Variants in QTMAN observed in about 807,000 individuals in gnomAD.
QTMAN encodes queuosine-tRNA mannosyltransferase.
the QTMAN span, among the ~76,000 whole-genome samples, chr2:143,957,036 A>G: frequency 9.3e-4 from 142 of 152,330 alleles, 1 homozygote; most frequent in Middle Eastern, 0.014. Context: ...GATTACCTTA[A>G]CAATCACCAA....
the QTMAN span, among the ~76,000 whole-genome samples, chr2:144,242,960 T>TAAAAAAAAAAAAAAAAAAAAAAAAA: frequency 1.3e-5 from 1 of 77,806 alleles, no homozygotes; most frequent in African/African-American, 6.3e-5. Context: ...AGACTCTACT[T>TAAAAAAAAAAAAAAAAAAAAAAAAA]AAAAAAAAAA....
chr2:144,178,138 A>C, the QTMAN span, among the ~76,000 whole-genome samples: 1 of 152,160 alleles, frequency 6.6e-6, no homozygotes, highest in African/African-American at 2.4e-5. Flanking sequence ...GAAGTGAGGA[A>C]TGCATCCTGT....
At chr2:144,092,190 T>C in the QTMAN span, among the ~76,000 whole-genome samples, 1 of 151,038 alleles carries the variant, frequency 6.6e-6, no homozygotes, top group Non-Finnish European at 1.5e-5. Context: ...TTTTTTTTTT[T>C]TCTGAGACAG....
chr2:143,947,351 G>A, the QTMAN span, among the ~76,000 whole-genome samples: 1 of 152,080 alleles, frequency 6.6e-6, no homozygotes, highest in African/African-American at 2.4e-5. Flanking sequence ...CAGAGAAGAA[G>A]GCTACTGTTT....
chr2:144,145,509 C>T, the QTMAN span: 402 of 1,229,330 alleles, frequency 3.3e-4, 4 homozygotes, highest in African/African-American at 5.0e-3. Context: ...AGATTTAAAA[C>T]GTAACCACCT....
At chr2:144,287,445 A>G in the QTMAN span, among the ~76,000 whole-genome samples, 7 of 152,204 alleles carry the variant, frequency 4.6e-5, no homozygotes, top group African/African-American at 1.2e-4. Flanking sequence ...TCTCAAAAAA[A>G]AAAAAAAAAC....
At chr2:144,326,012 A>T in the QTMAN span, among the ~76,000 whole-genome samples, 1 of 152,246 alleles carries the variant, frequency 6.6e-6, no homozygotes, top group Non-Finnish European at 1.5e-5. Flanking sequence ...GAACAAAATC[A>T]GAGGTCTGTC....
At chr2:144,235,460 T>C in the QTMAN span, among the ~76,000 whole-genome samples, 4 of 152,106 alleles carry the variant, frequency 2.6e-5, no homozygotes. Context: ...GATGTATGAA[T>C]ACATGAAATA....
At chr2:143,938,929 ATAATTAAGT>A in the QTMAN span, 1 of 152,264 alleles carries the variant, frequency 6.6e-6, no homozygotes, top group Non-Finnish European at 1.5e-5. Flanking sequence ...GGGTAAGAAC[ATAATTAAGT>A]TTCTGCCCTA....
At chr2:143,998,006 C>A in the QTMAN span, among the ~76,000 whole-genome samples, 4 of 151,990 alleles carry the variant, frequency 2.6e-5, no homozygotes, top group African/African-American at 9.7e-5. Context: ...TCATTTCAAC[C>A]CCTAATAAAT....
chr2:144,297,174 A>G, the QTMAN span, among the ~76,000 whole-genome samples: 4 of 152,290 alleles, frequency 2.6e-5, 1 homozygote, highest in South Asian at 8.3e-4. Context: ...AGTAGGGAGA[A>G]AAGTTTAGTG....
the QTMAN span, among the ~76,000 whole-genome samples, chr2:144,296,206 GAAT>G: frequency 2.0e-5 from 3 of 152,104 alleles, no homozygotes; most frequent in Non-Finnish European, 4.4e-5. Context: ...CCCAAGATAG[GAAT>G]AATTTGTGTT....
At chr2:144,156,575 C>T in the QTMAN span, among the ~76,000 whole-genome samples, 1 of 151,874 alleles carries the variant, frequency 6.6e-6, no homozygotes, top group Admixed American at 6.6e-5. Flanking sequence ...ATTAATTACC[C>T]CATATATCAC....
chr2:144,246,602 A>G, the QTMAN span, among the ~76,000 whole-genome samples: 2 of 150,098 alleles, frequency 1.3e-5, no homozygotes, highest in African/African-American at 4.9e-5. Context: ...AAAAAAAAAA[A>G]GAAAAGAAAA....
chr2:144,300,917 T>C, the QTMAN span, among the ~76,000 whole-genome samples: 1 of 152,210 alleles, frequency 6.6e-6, no homozygotes, highest in African/African-American at 2.4e-5. Flanking sequence ...CAAAATTTTT[T>C]GGTATTAACT....
the QTMAN span, among the ~76,000 whole-genome samples, chr2:144,215,659 T>C: frequency 6.6e-6 from 1 of 152,226 alleles, no homozygotes; most frequent in Non-Finnish European, 1.5e-5. Context: ...TTTCAAACTA[T>C]AAAAGCAGCA....
chr2:144,200,297 A>G, the QTMAN span, among the ~76,000 whole-genome samples: 1 of 152,238 alleles, frequency 6.6e-6, no homozygotes, highest in Admixed American at 6.5e-5. Context: ...CTAATCTGTC[A>G]TTTATTCTGA....
the QTMAN span, among the ~76,000 whole-genome samples, chr2:144,264,065 G>C: frequency 6.6e-6 from 1 of 152,112 alleles, no homozygotes; most frequent in Non-Finnish European, 1.5e-5. Flanking sequence ...GAAATAGCCT[G>C]AACTAAGAAG....
chr2:144,256,892 T>C, the QTMAN span, among the ~76,000 whole-genome samples: 13 of 151,840 alleles, frequency 8.6e-5, no homozygotes, highest in African/African-American at 2.7e-4. Flanking sequence ...AAAATCTCTT[T>C]AAAAGGAGTT....
Sources: gnomAD v4.1 joint callset for allele counts (sites outside exome capture counted in the v4.1 genomes callset) on GRCh38, gnomAD v4.1.1 for gene constraint, MANE v1.5 for transcripts, NCBI Gene and HGNC (gene_info 2026-07-23, HGNC 2026-07-21) for gene names.